CCDC3: variants seen among roughly 807,000 people sequenced by gnomAD.
The protein encoded by CCDC3 is coiled-coil domain-containing protein 3.
In CCDC3, 24 loss-of-function variants were observed where a neutral mutation model predicts 21.4. That is an observed-to-expected ratio of 1.12 (90% CI 0.81 to 1.58). The LOEUF (loss-of-function observed/expected upper bound fraction) is 1.58. Among genes scored for constraint, CCDC3 ranks in the 40% most tolerant of loss-of-function variants. The probability of loss-of-function intolerance (pLI) is 0.00; values close to 1 mark genes in which losing one functional copy is unlikely to be tolerated. For synonymous variants in CCDC3, 186 were observed against 166.0 expected, an observed-to-expected ratio of 1.12 and a Z score of -0.93; for missense variants, 425 against 360.9, an observed-to-expected ratio of 1.18 and a Z score of -1.44.
chr10:12,948,978 G>A (rs144534456), intron 2 of CCDC3, among the ~76,000 whole-genome samples: 1,997 of 151,992 alleles, frequency 0.013, 44 homozygotes, highest in African/African-American at 0.045. Context: ...TGATCCACCC[G>A]CCTCGGCCTC....
At chr10:13,007,070 T>C (rs1461078802) in intron 5 of CCDC3, among the ~76,000 whole-genome samples, 1 of 152,180 alleles carries the variant, frequency 6.6e-6, no homozygotes, top group Non-Finnish European at 1.5e-5. Flanking sequence ...TGACCCCTTT[T>C]CGATGGCATC....
chr10:13,069,124 A>G (rs968807115), intron 4 of CCDC3, among the ~76,000 whole-genome samples: 2 of 152,150 alleles, frequency 1.3e-5, no homozygotes, highest in South Asian at 2.1e-4. Context: ...GCGTGGTGGC[A>G]CATGCCTGTA....
chr10:12,996,943 G>A (rs538538924), intron 2 of CCDC3, among the ~76,000 whole-genome samples: 2 of 152,198 alleles, frequency 1.3e-5, no homozygotes, highest in South Asian at 4.2e-4. Context: ...TGGGAGGAGG[G>A]TGAGGATGGA....
intron 5 of CCDC3, among the ~76,000 whole-genome samples, chr10:13,032,244 C>T (rs924675710): frequency 1.3e-5 from 2 of 151,698 alleles, no homozygotes; most frequent in Admixed American, 6.6e-5. Context: ...ACAAAAACCA[C>T]GATTATCTCA....
At chr10:12,960,811 T>C (rs1835169234) in intron 2 of CCDC3, among the ~76,000 whole-genome samples, 1 of 152,220 alleles carries the variant, frequency 6.6e-6, no homozygotes, top group Non-Finnish European at 1.5e-5. Context: ...ACTTCTGCCC[T>C]GACACCCAGA....
intron 5 of CCDC3, among the ~76,000 whole-genome samples, chr10:13,035,232 G>A (rs12765118): frequency 0.26 from 39,811 of 151,680 alleles, 6,174 homozygotes; most frequent in Non-Finnish European, 0.35. Flanking sequence ...TTTTTCTCCT[G>A]TTTTTGCTCT....
intron 2 of CCDC3, among the ~76,000 whole-genome samples, chr10:12,983,450 A>G (rs1589030214): frequency 6.6e-6 from 1 of 151,588 alleles, no homozygotes; most frequent in Non-Finnish European, 1.5e-5. Context: ...GTGCATCTGC[A>G]GTCCTAGTTA....
intron 4 of CCDC3, among the ~76,000 whole-genome samples, chr10:13,050,822 T>G (rs1042057263): frequency 6.6e-6 from 1 of 152,136 alleles, no homozygotes; most frequent in African/African-American, 2.4e-5. Context: ...GAGGTCTCAC[T>G]GTAACCCAGG....
At chr10:13,009,219 T>C (rs112331705) in intron 5 of CCDC3, among the ~76,000 whole-genome samples, 1,879 of 152,290 alleles carry the variant, frequency 0.012, 50 homozygotes, top group African/African-American at 0.043. Flanking sequence ...ATTAAATATG[T>C]AAAAGACTTA....
Position 12,898,430 on chromosome 10 carries a change from A to AGG in CCDC3, c.797_798dup (p.Tyr267ProfsTer22). The AGG allele has an allele frequency of 6.2e-7, 1 of 1,600,712 alleles. No homozygotes were observed. On this transcript the variant is annotated frameshift_variant, in exon 3 of 3. Transcript: ENST00000378825. LOFTEE classifies it high-confidence loss of function. ...CCCCAGGCCCGTTACCCCCGCAGGT[A>AGG]GGGGGGGCGCACGGGCCCCCGGGCA... is the stretch of plus-strand genomic sequence containing the variant.
chr10:12,943,306 T>C (rs1229841008), intron 2 of CCDC3, among the ~76,000 whole-genome samples: 1 of 152,052 alleles, frequency 6.6e-6, no homozygotes, highest in Non-Finnish European at 1.5e-5. Flanking sequence ...GGAACCCCCA[T>C]CTTGGCCAAG....
chr10:13,074,840 T>C (rs1259477979), intron 3 of CCDC3, among the ~76,000 whole-genome samples: 2 of 152,220 alleles, frequency 1.3e-5, no homozygotes, highest in East Asian at 3.8e-4. Flanking sequence ...AACCATTTTA[T>C]TGTCTATTTC....
At chr10:12,968,428 C>G (rs73581742) in intron 2 of CCDC3, among the ~76,000 whole-genome samples, 2 of 152,050 alleles carry the variant, frequency 1.3e-5, no homozygotes, top group African/African-American at 4.8e-5. Flanking sequence ...AGACTTTTCC[C>G]AACAAACAAA....
At position 12,904,089 on chromosome 10, in the gene CCDC3, A is replaced by ATGGGAG. The variant is rs1834132915; in HGVS notation, c.550-5411_550-5410insCTCCCA. On this transcript the variant is annotated intron_variant, in intron 2 of 2. Transcript: ENST00000378825. ...TTCTTTTCCAGTCATCGGTCTGTACACTTCCCGTGAGTATTTCATGGGAGC... is the reference window on the plus strand; with the variant it reads ...TTCTTTTCCAGTCATCGGTCTGTACATGGGAGCTTCCCGTGAGTATTTCATGGGAGC... Among the ~76,000 whole-genome samples, 5 of 151,714 alleles carry ATGGGAG rather than the reference A, an allele frequency of 3.3e-5. No homozygotes were observed. The South Asian group carries it at 1.0e-3, about 32-fold the overall frequency.
chr10:12,902,518 G>A (rs1289882463), intron 2 of CCDC3, among the ~76,000 whole-genome samples: 1 of 152,128 alleles, frequency 6.6e-6, no homozygotes, highest in Non-Finnish European at 1.5e-5. Context: ...CCAAGAACAA[G>A]ACAAAAAAGT....
chr10:13,047,995 G>A (rs1020319589), intron 5 of CCDC3, among the ~76,000 whole-genome samples: 2 of 152,114 alleles, frequency 1.3e-5, no homozygotes, highest in African/African-American at 2.4e-5. Context: ...GAATCCACAC[G>A]TTGCAAGAGA....
chr10:13,025,635 C>G (rs930238898), intron 5 of CCDC3, among the ~76,000 whole-genome samples: 1 of 152,194 alleles, frequency 6.6e-6, no homozygotes. Context: ...TCTACGGTGA[C>G]ATTTTGGTCC....
At chr10:13,038,595 T>C (rs1836409051) in intron 5 of CCDC3, among the ~76,000 whole-genome samples, 1 of 152,218 alleles carries the variant, frequency 6.6e-6, no homozygotes, top group Non-Finnish European at 1.5e-5. Flanking sequence ...GCATCACTGG[T>C]TGGCAAAGCA....
intron 2 of CCDC3, among the ~76,000 whole-genome samples, chr10:12,926,282 G>C (rs1365652524): frequency 6.6e-6 from 1 of 152,178 alleles, no homozygotes; most frequent in Non-Finnish European, 1.5e-5. Flanking sequence ...CATCAACTCA[G>C]CTTAAGAAAC....
Sources: allele counts gnomAD v4.1 joint callset (sites outside exome capture counted in the v4.1 genomes callset), GRCh38; gene constraint gnomAD v4.1.1; transcripts MANE v1.5; gene names NCBI Gene and HGNC (gene_info 2026-07-23, HGNC 2026-07-21).